DNAJC5B: variants seen among roughly 807,000 people sequenced by gnomAD.
The protein encoded by DNAJC5B is dnaJ homolog subfamily C member 5B.
DNAJC5B carries 23 observed loss-of-function variants against 24.7 expected under a neutral mutation model. The observed-to-expected ratio is 0.93, with a 90% CI of 0.67 to 1.32. DNAJC5B has a LOEUF of 1.32. DNAJC5B is among the 40% of genes most tolerant of loss of function. DNAJC5B has a pLI of 0.00. For synonymous variants in DNAJC5B, 101 were observed against 90.1 expected, an observed-to-expected ratio of 1.12 and a Z score of -0.68; for missense variants, 238 against 240.8, an observed-to-expected ratio of 0.99 and a Z score of 0.08.
At chr8:66,017,402 C>T (rs1389377052), upstream of DNAJC5B, among the ~76,000 whole-genome samples, 2 of 152,140 alleles carry the variant, frequency 1.3e-5, no homozygotes, top group Non-Finnish European at 2.9e-5. Context: ...TTTGTTTGTA[C>T]ATGAGGTGGG....
chr8:66,045,881 A>G (rs1305992579), intron 2 of DNAJC5B, among the ~76,000 whole-genome samples: 1 of 152,182 alleles, frequency 6.6e-6, no homozygotes, highest in African/African-American at 2.4e-5. Flanking sequence ...AAAAGCATGA[A>G]TGCTAACGTT....
At chr8:66,046,069 C>T (rs1346829200) in intron 2 of DNAJC5B, among the ~76,000 whole-genome samples, 2 of 152,110 alleles carry the variant, frequency 1.3e-5, no homozygotes, top group East Asian at 1.9e-4. Flanking sequence ...GGCTATGGCT[C>T]ATGTGGTTCC....
At chr8:66,068,556 C>A (rs760692950) in intron 3 of DNAJC5B, among the ~76,000 whole-genome samples, 12 of 150,872 alleles carry the variant, frequency 8.0e-5, no homozygotes, top group Non-Finnish European at 1.0e-4. Context: ...GTTTCATTAA[C>A]AAGAAAGAAT....
chr8:66,035,773 A>C (rs540055696), intron 1 of DNAJC5B, among the ~76,000 whole-genome samples: 6 of 152,164 alleles, frequency 3.9e-5, no homozygotes, highest in Non-Finnish European at 8.8e-5. Context: ...GGAATCTGAC[A>C]ACCCTGTCAC....
intron 1 of DNAJC5B, among the ~76,000 whole-genome samples, chr8:66,035,210 T>C (rs904420056): frequency 1.3e-5 from 2 of 152,204 alleles, no homozygotes; most frequent in African/African-American, 4.8e-5. Flanking sequence ...CCTGGAAATC[T>C]AGTTATTAAA....
At chr8:66,036,756 T>C (rs1451157836) in intron 1 of DNAJC5B, among the ~76,000 whole-genome samples, 1 of 152,238 alleles carries the variant, frequency 6.6e-6, no homozygotes, top group African/African-American at 2.4e-5. Flanking sequence ...TTTTTTTTTC[T>C]TTTTAATTTA....
chr8:66,069,265 A>T (rs1807293516), intron 3 of DNAJC5B, among the ~76,000 whole-genome samples: 1 of 152,084 alleles, frequency 6.6e-6, no homozygotes, highest in South Asian at 2.1e-4. Flanking sequence ...TGCTTCAATT[A>T]AAAGAAAAAA....
chr8:66,091,496 T>C (rs1168738347), intron 5 of DNAJC5B, among the ~76,000 whole-genome samples: 4 of 152,110 alleles, frequency 2.6e-5, no homozygotes, highest in African/African-American at 9.7e-5. Context: ...CATATTCTTG[T>C]GGATAAGATG....
At chr8:66,080,229 G>C in intron 4 of DNAJC5B, 148 bp from the exon 5 acceptor site, 1 of 1,191,544 alleles carries the variant, frequency 8.4e-7, no homozygotes. Context: ...CTTATGTGGA[G>C]TAAGGATGAG....
In DNAJC5B at chr8:66,061,610, AGTGT is replaced by A. The variant is rs975887880; in HGVS notation, c.119+9966_119+9969del. ...TGGATAGAGAGAGAGAGAGAGAGAG[AGTGT>A]GTGTGTGTGTGTGTGTGTGTGCGCG... On this transcript the variant is annotated intron_variant, in intron 3 of 5. Coordinates refer to ENST00000276570, the MANE Select transcript of DNAJC5B (RefSeq NM_033105.6). 2.0e-3 allele frequency among the ~76,000 whole-genome samples: 290 copies of A among 145,054 alleles called. 1 individual carries two copies. Among genetic ancestry groups the A allele is most frequent in the South Asian group, 5.9e-3 (27 of 4,552 alleles).
At chr8:66,075,392 C>G (rs1807439983) in intron 3 of DNAJC5B, among the ~76,000 whole-genome samples, 1 of 152,062 alleles carries the variant, frequency 6.6e-6, no homozygotes, top group South Asian at 2.1e-4. Context: ...GGAAATGCTG[C>G]AATTCCTATT....
chr8:66,051,809 A>T (rs1806852067), intron 3 of DNAJC5B, 143 bp downstream of exon 3: 5 of 664,454 alleles, frequency 7.5e-6, no homozygotes, highest in Admixed American at 5.2e-5. Context: ...ACAACATAGG[A>T]GTTAGGAATG....
chr8:66,057,427 C>A (rs2128960734), intron 3 of DNAJC5B: 1 of 152,236 alleles, frequency 6.6e-6, no homozygotes, highest in South Asian at 2.1e-4. Context: ...GTCTCAGAAA[C>A]CTGTGGGACA....
intron 4 of DNAJC5B, among the ~76,000 whole-genome samples, chr8:66,078,365 A>T (rs1241810689): frequency 6.6e-6 from 1 of 152,162 alleles, no homozygotes; most frequent in Non-Finnish European, 1.5e-5. Context: ...CAATCATGTG[A>T]TAAATATGCA....
chr8:66,029,671 G>A (rs1258225688), intron 1 of DNAJC5B, among the ~76,000 whole-genome samples: 1 of 152,164 alleles, frequency 6.6e-6, no homozygotes, highest in Non-Finnish European at 1.5e-5. Context: ...GTGGACTTTA[G>A]AGCTTTAGAA....
chr8:66,049,196 C>T (rs144019294), intron 2 of DNAJC5B, among the ~76,000 whole-genome samples: 1,561 of 152,290 alleles, frequency 0.01, 23 homozygotes, highest in African/African-American at 0.035. Context: ...TGAAGAATTA[C>T]TATTGCCTAG....
chr8:66,026,876 G>A (rs1258487452), intron 1 of DNAJC5B, among the ~76,000 whole-genome samples: 1 of 152,202 alleles, frequency 6.6e-6, no homozygotes, highest in Non-Finnish European at 1.5e-5. Context: ...CATCTTTGCT[G>A]ACCTCCGGAG....
intron 1 of DNAJC5B, among the ~76,000 whole-genome samples, chr8:66,022,368 G>C (rs1187939778): frequency 6.6e-6 from 1 of 152,200 alleles, no homozygotes; most frequent in Non-Finnish European, 1.5e-5. Flanking sequence ...TTTACCAGTG[G>C]GGCGGAGCAT....
intron 5 of DNAJC5B, among the ~76,000 whole-genome samples, chr8:66,096,973 C>T (rs1807967025): frequency 6.6e-6 from 1 of 152,092 alleles, no homozygotes; most frequent in Non-Finnish European, 1.5e-5. Flanking sequence ...TTGCTCACTA[C>T]CCGTGTAACC....
Sources: gnomAD v4.1 joint callset for allele counts (sites outside exome capture counted in the v4.1 genomes callset) on GRCh38, gnomAD v4.1.1 for gene constraint, MANE v1.5 for transcripts, NCBI Gene and HGNC (gene_info 2026-07-23, HGNC 2026-07-21) for gene names.